KCTD3: variants seen among roughly 807,000 people sequenced by gnomAD.
The protein encoded by KCTD3 is BTB/POZ domain-containing protein KCTD3.
A neutral mutation model predicts 85.8 loss-of-function variants in KCTD3; 41 were observed. That is an observed-to-expected ratio of 0.48 (90% confidence interval 0.37 to 0.62). KCTD3 has a LOEUF of 0.62. KCTD3 is among the 20% of genes least tolerant of loss of function. The pLI, the probability that KCTD3 is intolerant of heterozygous loss-of-function variation, is 0.00. For synonymous variants in KCTD3, 338 were observed against 345.4 expected (o/e 0.98, Z 0.24); for missense variants, 724 against 989.9 (o/e 0.73, Z 3.60).
At chr1:215,584,227 G>A (rs1228214422) in intron 8 of KCTD3, among the ~76,000 whole-genome samples, 1 of 152,158 alleles carries the variant, frequency 6.6e-6, no homozygotes, top group Middle Eastern at 3.2e-3. Flanking sequence ...AAAAACTACT[G>A]ATGAGACAAA....
At chr1:215,599,607 G>A (rs1654753344) in intron 10 of KCTD3, among the ~76,000 whole-genome samples, 1 of 152,162 alleles carries the variant, frequency 6.6e-6, no homozygotes, top group Admixed American at 6.5e-5. Context: ...TTGCCATGAA[G>A]TTGTTAGGAC....
In KCTD3 at chr1:215,602,082, T is replaced by C; in HGVS notation, c.1022-3T>C. On this transcript the variant is annotated splice_polypyrimidine_tract_variant and splice_region_variant and intron_variant, in intron 11 of 17. Coordinates refer to ENST00000259154, the MANE Select transcript of KCTD3 (RefSeq NM_016121.5). ...AATGCTGTTTAAAATTTTTATGTTT[T>C]AGATATGCAGAAGTTCCCCTTGCGA... The C allele has an allele frequency of 6.4e-7, 1 of 1,562,170 alleles. No individual in the cohort carries two copies. Among genetic ancestry groups the C allele is most frequent in the Non-Finnish European group, 8.8e-7 (1 of 1,137,726 alleles).
chr1:215,593,260 T>G (rs1396363628), intron 9 of KCTD3, among the ~76,000 whole-genome samples: 1 of 152,254 alleles, frequency 6.6e-6, no homozygotes, highest in Non-Finnish European at 1.5e-5. Context: ...TGTGTTGTAC[T>G]TTATTTTGTT....
chr1:215,618,832 C>G, intron 15 of KCTD3, 54 bp from the exon 16 acceptor site: 1 of 1,316,556 alleles, frequency 7.6e-7, no homozygotes, highest in Non-Finnish European at 1.1e-6. Context: ...TTCATAGCTT[C>G]TTTTTAAATA....
intron 10 of KCTD3, among the ~76,000 whole-genome samples, chr1:215,599,007 T>TA (rs1654719472): frequency 6.6e-6 from 1 of 152,184 alleles, no homozygotes; most frequent in Non-Finnish European, 1.5e-5. Flanking sequence ...TAAATTATGA[T>TA]AAAAAGTATT....
chr1:215,584,978 G>A (rs1659953732), intron 8 of KCTD3, among the ~76,000 whole-genome samples: 1 of 152,138 alleles, frequency 6.6e-6, no homozygotes, highest in African/African-American at 2.4e-5. Context: ...TGACTCCAAA[G>A]TCAGCTAATT....
In KCTD3 at chr1:215,619,304, G is replaced by C; in HGVS notation, c.1886+13G>C. 6.2e-7 allele frequency: 1 copy of C among 1,603,468 alleles called. No individual in the cohort carries two copies. The highest frequency in any genetic ancestry group is 8.5e-7 in the Non-Finnish European group (1 of 1,174,110). On this transcript the variant is annotated intron_variant, in intron 17 of 17. Transcript: ENST00000259154. ...AATCAAATTCTAGGTAGGTTAAAGA[G>C]TTGGGTATTATAAACAAAATTTATT...
intron 9 of KCTD3, among the ~76,000 whole-genome samples, chr1:215,590,061 A>C (rs2102574930): frequency 6.6e-6 from 1 of 152,286 alleles, no homozygotes; most frequent in East Asian, 1.9e-4. Flanking sequence ...AGTGTGTGAG[A>C]GTCCCAGGTT....
intron 12 of KCTD3, 107 bp downstream of exon 12, chr1:215,602,308 G>A: frequency 8.3e-6 from 5 of 602,712 alleles, no homozygotes; most frequent in Non-Finnish European, 1.5e-5. Context: ...TTTGAGAACT[G>A]CAGTGCCTAA....
At chr1:215,614,362 T>C (rs1199670185) in intron 15 of KCTD3, among the ~76,000 whole-genome samples, 1 of 152,156 alleles carries the variant, frequency 6.6e-6, no homozygotes, top group Non-Finnish European at 1.5e-5. Flanking sequence ...CTGTGAAAAA[T>C]GTCATTGGTA....
intron 8 of KCTD3, among the ~76,000 whole-genome samples, chr1:215,581,796 T>G (rs1659835031): frequency 6.6e-6 from 1 of 152,318 alleles, no homozygotes; most frequent in East Asian, 1.9e-4. Flanking sequence ...TATAGTTAAA[T>G]CATTCAACAC....
rs78258654 is a variant in KCTD3 at position 215,620,938 on chromosome 1, C to G, written c.*320C>G. The G allele has an allele frequency of 8.7e-3, 2,641 of 304,668 alleles. 63 individuals are homozygous for G. The highest frequency in any genetic ancestry group is 0.051 in the African/African-American group (2,368 of 46,536). The allele number at this position is 304,668 out of a possible 1,614,324, so 18.9% of individuals were successfully genotyped here. A position where few individuals can be genotyped will look rare whatever the true frequency, so the allele number is the denominator to read the frequency against. ...GATGGTGCCCATATAGGTGAGCATCCCTTTAGATCATGGGAACCAGCAGAC... is the reference window on the plus strand; with the variant it reads ...GATGGTGCCCATATAGGTGAGCATCGCTTTAGATCATGGGAACCAGCAGAC... On this transcript the variant is annotated 3_prime_UTR_variant, in exon 18 of 18. Transcript: ENST00000259154.
chr1:215,591,833 C>A (rs187786011), intron 9 of KCTD3, among the ~76,000 whole-genome samples: 1 of 152,298 alleles, frequency 6.6e-6, no homozygotes. Flanking sequence ...TCAGGGAAAT[C>A]ATCTGTCTTT....
At position 215,567,305 on chromosome 1, in the gene KCTD3, T is replaced by G; in HGVS notation, c.-381T>G. ...CTTTCCTTCCTCCTCCTCCTCCTCA[T>G]TCTAGGCGGCAGTGGCGGGCGAAGC... On this transcript the variant is annotated 5_prime_UTR_variant, in exon 1 of 18. Transcript: ENST00000259154. 1 of 156,046 alleles carries G rather than the reference T, an allele frequency of 6.4e-6. No homozygotes were observed. Among genetic ancestry groups the G allele is most frequent in the Non-Finnish European group, 1.4e-5 (1 of 70,876 alleles). The allele number at this position is 156,046 out of a possible 1,614,324, so 9.7% of individuals were successfully genotyped here.
At chr1:215,576,193 C>T (rs951751181) in intron 4 of KCTD3, among the ~76,000 whole-genome samples, 1 of 151,722 alleles carries the variant, frequency 6.6e-6, no homozygotes, top group Admixed American at 6.6e-5. Context: ...CTCAGCCTCC[C>T]GAGTAGCTGG....
intron 15 of KCTD3, among the ~76,000 whole-genome samples, chr1:215,615,301 A>G (rs1338680958): frequency 5.3e-5 from 8 of 152,138 alleles, no homozygotes; most frequent in Non-Finnish European, 8.8e-5. Flanking sequence ...CCTTGTAGAA[A>G]ATTTTAAATA....
At chr1:215,610,717 C>A (rs565252747) in intron 14 of KCTD3, among the ~76,000 whole-genome samples, 2 of 152,060 alleles carry the variant, frequency 1.3e-5, no homozygotes, top group East Asian at 3.9e-4. Flanking sequence ...ATTCCACTTC[C>A]ATCATATAGG....
In KCTD3 at chr1:215,611,904, C is replaced by T; in HGVS notation, c.1545C>T (p.Leu515=). 1 of 1,601,928 alleles carries T rather than the reference C, an allele frequency of 6.2e-7. No individual in the cohort carries two copies. The highest frequency in any genetic ancestry group is 8.5e-7 in the Non-Finnish European group (1 of 1,170,390). ...TCACCAACAAACTATTTGTAAGACT[C>T]TCATCGACTGGAAAAAGGTAACACT... The part of the protein sequence containing the change: ...VPITNKLFVR[L]SSTGKRICEI... The change falls in exon 15 of 18, where the codon CTC becomes CTT. Residue 515 remains leucine (L), a synonymous_variant. Coordinates refer to ENST00000259154, the MANE Select transcript of KCTD3 (RefSeq NM_016121.5).
Position 215,572,403 on chromosome 1 carries a change from A to G in KCTD3, c.84-1383A>G, listed in dbSNP as rs151206089. ...AGATAATCCATTTATCAAGATATGT[A>G]AAATATTATGAGCCATTGTTGCCTC... On this transcript the variant is annotated intron_variant, in intron 1 of 17. Coordinates refer to ENST00000259154, the MANE Select transcript of KCTD3 (RefSeq NM_016121.5). 2.6e-5 allele frequency among the ~76,000 whole-genome samples: 4 copies of G among 152,348 alleles called. No homozygotes were observed. The East Asian group carries it at 7.7e-4, about 29-fold the overall frequency.
Sources: allele counts gnomAD v4.1 joint callset (sites outside exome capture counted in the v4.1 genomes callset), GRCh38; gene constraint gnomAD v4.1.1; transcripts MANE v1.5; gene names NCBI Gene and HGNC (gene_info 2026-07-23, HGNC 2026-07-21).